The following PCDHA8 variants were observed in gnomAD, a reference collection of about 807,000 sequenced individuals.
PCDHA8 encodes the protein protocadherin alpha-8.
In PCDHA8, 53 loss-of-function variants were observed where a neutral mutation model predicts 61.8. That is an observed-to-expected ratio of 0.86 (90% CI 0.69 to 1.08). The LOEUF is 1.08. Among genes scored for constraint, PCDHA8 ranks in the 50% least tolerant of loss-of-function variants. The pLI is 0.00. For synonymous variants in PCDHA8, 618 were observed against 556.6 expected (o/e 1.11, Z -1.55); for missense variants, 1,293 against 1,245.0 (o/e 1.04, Z -0.58).
chr5:140,920,060 G>T (rs565038135), intron 1 of PCDHA8, among the ~76,000 whole-genome samples: 1 of 152,264 alleles, frequency 6.6e-6, no homozygotes, highest in African/African-American at 2.4e-5. Context: ...CCAACACCTG[G>T]AAAAGGCAGA....
At chr5:140,915,803 A>G (rs2077309798) in intron 1 of PCDHA8, among the ~76,000 whole-genome samples, 1 of 152,026 alleles carries the variant, frequency 6.6e-6, no homozygotes, top group Admixed American at 6.6e-5. Flanking sequence ...ACTACCACCT[A>G]TGTTCACTCA....
chr5:140,862,618 C>A (rs532330556), intron 1 of PCDHA8: 10 of 526,556 alleles, frequency 1.9e-5, no homozygotes, highest in South Asian at 1.3e-4. Flanking sequence ...AGGTAACAAC[C>A]CGCGGGGCTG....
At chr5:140,875,262 C>T (rs2055382922) in intron 1 of PCDHA8, 1 of 1,157,372 alleles carries the variant, frequency 8.6e-7, no homozygotes, top group Admixed American at 3.0e-5. Flanking sequence ...CATGATGTCG[C>T]TCTACACTCA....
rs2150354219 is a variant in PCDHA8 at position 140,843,163 on chromosome 5, T to G, written c.1842T>G (p.Ala614=). Residue 614 remains alanine (A), a synonymous_variant, in exon 1 of 4, where the codon GCT becomes GCG. Coordinates refer to ENST00000531613, the MANE Select transcript of PCDHA8 (RefSeq NM_018911.3). ...NAWLSYELQP[A]ASSPRIPFRV... is the part of the protein sequence containing the mutation. ...GGCTTTCGTATGAGCTGCAGCCAGCTGCAAGCAGCCCTCGCATCCCGTTCC... is the reference window on the plus strand; with the variant it reads ...GGCTTTCGTATGAGCTGCAGCCAGCGGCAAGCAGCCCTCGCATCCCGTTCC... 3.6e-5 allele frequency: 58 copies of G among 1,595,956 alleles called. 4 individuals carry two copies. The South Asian group carries it at 6.1e-4, about 17-fold the overall frequency.
At chr5:140,927,688 G>C in intron 1 of PCDHA8, 1 of 1,614,062 alleles carries the variant, frequency 6.2e-7, no homozygotes, top group Non-Finnish European at 8.5e-7. Context: ...AGGGTCCAAT[G>C]GGGAAGTCCA....
At chr5:140,963,714 A>G (rs1554226741) in intron 1 of PCDHA8, among the ~76,000 whole-genome samples, 2 of 152,260 alleles carry the variant, frequency 1.3e-5, no homozygotes, top group Admixed American at 6.5e-5. Context: ...GCCATGCTAC[A>G]TATAGACTGC....
At chr5:140,893,088 T>C (rs1340937679) in intron 1 of PCDHA8, among the ~76,000 whole-genome samples, 2 of 152,372 alleles carry the variant, frequency 1.3e-5, no homozygotes, top group African/African-American at 4.8e-5. Flanking sequence ...CATTCTTTTT[T>C]ATGGCTGGAT....
chr5:140,995,047 C>G (rs1174630120), intron 3 of PCDHA8, among the ~76,000 whole-genome samples: 2 of 152,158 alleles, frequency 1.3e-5, no homozygotes, highest in Admixed American at 1.3e-4. Context: ...CTTAACTCTA[C>G]TGAATTTTCA....
chr5:140,892,779 A>G (rs1490865049), intron 1 of PCDHA8, among the ~76,000 whole-genome samples: 1 of 152,192 alleles, frequency 6.6e-6, no homozygotes, highest in Non-Finnish European at 1.5e-5. Flanking sequence ...TAGCTTCTTG[A>G]AAATATGTAA....
intron 1 of PCDHA8, among the ~76,000 whole-genome samples, chr5:140,945,952 G>A (rs2093866662): frequency 6.6e-6 from 1 of 151,910 alleles, no homozygotes; most frequent in African/African-American, 2.4e-5. Context: ...ATATGACCCT[G>A]AAAGCACAGG....
intron 3 of PCDHA8, among the ~76,000 whole-genome samples, chr5:141,005,648 G>A (rs1354125322): frequency 7.4e-6 from 1 of 135,988 alleles, no homozygotes; most frequent in Non-Finnish European, 1.5e-5. Flanking sequence ...CTTGCAGTGA[G>A]TCGAGATCGC....
intron 1 of PCDHA8, among the ~76,000 whole-genome samples, chr5:140,881,835 G>A (rs1048266615): frequency 2.6e-5 from 4 of 152,124 alleles, no homozygotes; most frequent in Non-Finnish European, 5.9e-5. Context: ...AGTTCTGCAT[G>A]GAATTCTTAC....
intron 1 of PCDHA8, among the ~76,000 whole-genome samples, chr5:140,950,537 C>T (rs1439965496): frequency 1.3e-5 from 2 of 152,002 alleles, no homozygotes; most frequent in Non-Finnish European, 1.5e-5. Flanking sequence ...TTTTGTTGCT[C>T]TTGCATGGCT....
chr5:140,956,585 T>G (rs1004549488), intron 1 of PCDHA8, among the ~76,000 whole-genome samples: 4 of 152,198 alleles, frequency 2.6e-5, no homozygotes, highest in Non-Finnish European at 5.9e-5. Flanking sequence ...CATTGATGCT[T>G]ATCAGGGATA....
At chr5:140,869,497 G>T (rs2051177889) in intron 1 of PCDHA8, 2 of 1,614,084 alleles carry the variant, frequency 1.2e-6, no homozygotes. Flanking sequence ...CAACCCGCCG[G>T]TGTTCTCGCT....
At chr5:140,928,467 A>C (rs782319281) in intron 1 of PCDHA8, 29 of 1,614,142 alleles carry the variant, frequency 1.8e-5, no homozygotes, top group Non-Finnish European at 2.3e-5. Flanking sequence ...ATTTCCAAGT[A>C]GAAGGCCGGG....
intron 3 of PCDHA8, among the ~76,000 whole-genome samples, chr5:141,003,475 G>A (rs934289848): frequency 2.0e-5 from 3 of 151,932 alleles, no homozygotes; most frequent in Non-Finnish European, 2.9e-5. Flanking sequence ...CCACAGTCTC[G>A]CTAATTTTTA....
At chr5:140,876,647 A>T in intron 1 of PCDHA8, 1 of 1,614,178 alleles carries the variant, frequency 6.2e-7, no homozygotes, top group Non-Finnish European at 8.5e-7. Flanking sequence ...CTGACACCTC[A>T]TGTTCCCTTC....
At chr5:140,846,138 T>C (rs1780216655) in intron 1 of PCDHA8, among the ~76,000 whole-genome samples, 1 of 149,702 alleles carries the variant, frequency 6.7e-6, no homozygotes, top group Non-Finnish European at 1.5e-5. Flanking sequence ...ATGTTTCCCA[T>C]ATTTAAAAGT....
Sources: gnomAD v4.1 joint callset for allele counts (sites outside exome capture counted in the v4.1 genomes callset) on GRCh38, gnomAD v4.1.1 for gene constraint, MANE v1.5 for transcripts, NCBI Gene and HGNC (gene_info 2026-07-23, HGNC 2026-07-21) for gene names.